GALNT13: variants seen among roughly 807,000 people sequenced by gnomAD.
GALNT13 encodes UDP-GalNAc:polypeptide N-acetylgalactosaminyltransferase 13.
In GALNT13, 28 loss-of-function variants were observed where a neutral mutation model predicts 64.2. The ratio of observed to expected loss-of-function variants is 0.44; its 90% CI spans 0.32 to 0.60. The LOEUF is 0.60. Among genes scored for constraint, GALNT13 ranks in the 20% least tolerant of loss-of-function variants. The pLI is 0.05. For synonymous variants in GALNT13, 214 were observed against 224.6 expected, an observed-to-expected ratio of 0.95 and a Z score of 0.42; for missense variants, 577 against 669.8, an observed-to-expected ratio of 0.86 and a Z score of 1.53.
At chr2:153,691,650 A>C in the GALNT13 span, among the ~76,000 whole-genome samples, 1 of 152,124 alleles carries the variant, frequency 6.6e-6, no homozygotes, top group Non-Finnish European at 1.5e-5. Flanking sequence ...CAAGAAAAAA[A>C]CCCTCAATTT....
rs1319698112 is a variant in GALNT13, at chr2:154,453,633, A to G, written c.*3082A>G. 2.0e-5 allele frequency: 3 copies of G among 152,034 alleles called. No homozygotes were observed. Among genetic ancestry groups the G allele is most frequent in the Non-Finnish European group, 2.9e-5 (2 of 68,040 alleles). The allele number at this position is 152,034 out of a possible 1,614,324, so 9.4% of individuals were successfully genotyped here. A position where few individuals can be genotyped will look rare whatever the true frequency, so the allele number is the denominator to read the frequency against. On this transcript the variant is annotated 3_prime_UTR_variant, in exon 13 of 13. Transcript: ENST00000392825. ...TACTTCCCCCTCCCCAGCCCCAAACATGCCCATCACATGCCCTAGAAGGTA... is the reference window on the plus strand; with the variant it reads ...TACTTCCCCCTCCCCAGCCCCAAACGTGCCCATCACATGCCCTAGAAGGTA...
chr2:153,139,747 GA>G, the GALNT13 span, among the ~76,000 whole-genome samples: 1 of 152,076 alleles, frequency 6.6e-6, no homozygotes, highest in Non-Finnish European at 1.5e-5. Context: ...CTGCCAGGGA[GA>G]GGGGGGATAA....
chr2:153,533,723 C>A, the GALNT13 span, among the ~76,000 whole-genome samples: 1 of 48,724 alleles, frequency 2.1e-5, no homozygotes, highest in African/African-American at 8.6e-5. Context: ...TGAGGTTTTT[C>A]TTTTTTTTTT....
At chr2:153,469,601 G>A in the GALNT13 span, among the ~76,000 whole-genome samples, 1 of 152,070 alleles carries the variant, frequency 6.6e-6, no homozygotes, top group Non-Finnish European at 1.5e-5. Context: ...GTTAGGATAT[G>A]AGGAGCAATT....
chr2:153,266,573 GGA>G, the GALNT13 span, among the ~76,000 whole-genome samples: 1 of 151,346 alleles, frequency 6.6e-6, no homozygotes, highest in African/African-American at 2.4e-5. Context: ...CAAGGTGGCA[GGA>G]GAGAGAGAGA....
At chr2:153,163,892 C>A in the GALNT13 span, among the ~76,000 whole-genome samples, 1 of 151,948 alleles carries the variant, frequency 6.6e-6, no homozygotes, top group Non-Finnish European at 1.5e-5. Context: ...GTGGCGGGCG[C>A]CTGTAGTCCC....
chr2:154,067,114 C>G (rs1263206353), intron 3 of GALNT13, among the ~76,000 whole-genome samples: 4 of 151,882 alleles, frequency 2.6e-5, no homozygotes, highest in Non-Finnish European at 5.9e-5. Context: ...ATATTACTTG[C>G]AAGCCTAATG....
chr2:153,984,538 T>G (rs2105168645), intron 3 of GALNT13, among the ~76,000 whole-genome samples: 1 of 151,934 alleles, frequency 6.6e-6, no homozygotes, highest in Admixed American at 6.6e-5. Context: ...ATCAACCATC[T>G]TTTAAGCCAG....
At chr2:153,804,516 A>C in the GALNT13 span, among the ~76,000 whole-genome samples, 1 of 152,160 alleles carries the variant, frequency 6.6e-6, no homozygotes, top group Non-Finnish European at 1.5e-5. Context: ...AAAGGTGACA[A>C]AAGTTATTAG....
chr2:153,181,041 T>C, the GALNT13 span, among the ~76,000 whole-genome samples: 1 of 143,522 alleles, frequency 7.0e-6, no homozygotes, highest in Admixed American at 7.0e-5. Flanking sequence ...TTTTTTTTTT[T>C]TTTTTTTTGC....
intron 3 of GALNT13, among the ~76,000 whole-genome samples, chr2:154,125,332 G>A (rs893109502): frequency 3.3e-5 from 5 of 152,108 alleles, no homozygotes; most frequent in Non-Finnish European, 7.4e-5. Context: ...AGGCTAAGAT[G>A]CAAGAAATAA....
intron 12 of GALNT13, among the ~76,000 whole-genome samples, chr2:154,445,008 A>T (rs558408110): frequency 6.6e-6 from 1 of 152,190 alleles, no homozygotes; most frequent in African/African-American, 2.4e-5. Context: ...TACAATATTA[A>T]TAATTGTTAT....
the GALNT13 span, among the ~76,000 whole-genome samples, chr2:153,368,001 A>T: frequency 6.6e-6 from 1 of 152,248 alleles, no homozygotes; most frequent in Admixed American, 6.6e-5. Context: ...CACACCAGTT[A>T]AAGCGTAAAG....
At chr2:153,403,585 C>G in the GALNT13 span, among the ~76,000 whole-genome samples, 10 of 152,170 alleles carry the variant, frequency 6.6e-5, no homozygotes, top group African/African-American at 9.6e-5. Flanking sequence ...GCGAGACTCC[C>G]TGGGCGTAGG....
the GALNT13 span, among the ~76,000 whole-genome samples, chr2:153,169,104 A>G: frequency 6.6e-6 from 1 of 152,214 alleles, no homozygotes; most frequent in East Asian, 1.9e-4. Flanking sequence ...CAGGAAAGGA[A>G]TCAGGCAGCT....
intron 10 of GALNT13, 103 bp from the exon 11 acceptor site, chr2:154,408,881 G>T: frequency 5.6e-6 from 4 of 719,364 alleles, no homozygotes; most frequent in Non-Finnish European, 2.4e-6. Context: ...TTATGAAGTT[G>T]TATTATTCAG....
Position 153,979,683 on chromosome 2 carries a change from A to G in GALNT13, c.142+35044A>G, listed in dbSNP as rs535812898. Among the ~76,000 whole-genome samples, 16 of 152,342 alleles carry G rather than the reference A, an allele frequency of 1.1e-4. No individual in the cohort carries two copies. The South Asian group carries it at 3.3e-3, about 32-fold the overall frequency. On this transcript the variant is annotated intron_variant, in intron 3 of 12. Transcript: ENST00000392825. Reference sequence around the variant, plus strand: ...AATCTTTGTATATAACATCATATGCACAAATAAAACATTTATAAGTATGAT... The same window carrying G: ...AATCTTTGTATATAACATCATATGCGCAAATAAAACATTTATAAGTATGAT...
intron 4 of GALNT13, among the ~76,000 whole-genome samples, chr2:154,168,452 C>A (rs887040843): frequency 6.6e-6 from 1 of 152,080 alleles, no homozygotes; most frequent in Non-Finnish European, 1.5e-5. Flanking sequence ...AAAAATACCA[C>A]TATAGAAACA....
At chr2:154,132,747 T>C (rs1044944925) in intron 3 of GALNT13, among the ~76,000 whole-genome samples, 2 of 151,748 alleles carry the variant, frequency 1.3e-5, no homozygotes, top group Admixed American at 6.6e-5. Context: ...AAAAAAAAAT[T>C]AGCTGGGCGT....
Sources: gnomAD v4.1 joint callset for allele counts (sites outside exome capture counted in the v4.1 genomes callset) on GRCh38, gnomAD v4.1.1 for gene constraint, MANE v1.5 for transcripts, NCBI Gene and HGNC (gene_info 2026-07-23, HGNC 2026-07-21) for gene names.